Variants in HS6ST3 observed in about 807,000 individuals in gnomAD.
HS6ST3 encodes the protein heparan sulfate 6-O-sulfotransferase 3.
Under a neutral mutation model 36.7 loss-of-function variants are expected in HS6ST3, and 12 were observed. The observed-to-expected ratio is 0.33, with a 90% CI of 0.21 to 0.53. The LOEUF (loss-of-function observed/expected upper bound fraction) is 0.53, where lower values mean the gene tolerates loss of function less well. HS6ST3 is among the 20% of genes least tolerant of loss of function. The pLI is 0.95. For synonymous variants in HS6ST3, 240 were observed against 257.5 expected (o/e 0.93, Z 0.65); for missense variants, 584 against 640.9 (o/e 0.91, Z 0.96).
chr13:96,155,749 CT>C (rs1393184859), intron 1 of HS6ST3, among the ~76,000 whole-genome samples: 1 of 152,132 alleles, frequency 6.6e-6, no homozygotes, highest in African/African-American at 2.4e-5. Context: ...TACTATTTTT[CT>C]GTCAAAATAT....
intron 1 of HS6ST3, among the ~76,000 whole-genome samples, chr13:96,298,784 T>A (rs984680412): frequency 6.6e-6 from 1 of 152,174 alleles, no homozygotes; most frequent in Middle Eastern, 3.2e-3. Context: ...AAGTAACAGC[T>A]CAGCAGAAGT....
intron 1 of HS6ST3, among the ~76,000 whole-genome samples, chr13:96,774,954 G>A (rs1200736919): frequency 6.6e-6 from 1 of 152,128 alleles, no homozygotes; most frequent in Non-Finnish European, 1.5e-5. Flanking sequence ...TACCCACCAA[G>A]GGAAGCCCAC....
At chr13:96,692,066 G>A (rs1247299458) in intron 1 of HS6ST3, among the ~76,000 whole-genome samples, 2 of 152,074 alleles carry the variant, frequency 1.3e-5, no homozygotes, top group Admixed American at 6.6e-5. Flanking sequence ...TTAGAATATT[G>A]AAGATTGATC....
At chr13:96,439,827 T>C (rs1159478197) in intron 1 of HS6ST3, among the ~76,000 whole-genome samples, 1 of 152,206 alleles carries the variant, frequency 6.6e-6, no homozygotes, top group Non-Finnish European at 1.5e-5. Flanking sequence ...GAATAGAAGA[T>C]TCTGAATACG....
chr13:96,519,972 A>G (rs2056086823), intron 1 of HS6ST3, among the ~76,000 whole-genome samples: 1 of 152,142 alleles, frequency 6.6e-6, no homozygotes, highest in Non-Finnish European at 1.5e-5. Context: ...TCTCTAAACT[A>G]ATGGTTGTCT....
At chr13:96,459,850 G>A (rs2055773841) in intron 1 of HS6ST3, among the ~76,000 whole-genome samples, 4 of 152,102 alleles carry the variant, frequency 2.6e-5, no homozygotes, top group Admixed American at 2.6e-4. Context: ...TTAATTAGCT[G>A]GGTACGGTGT....
chr13:96,443,890 G>A (rs559602613), intron 1 of HS6ST3, among the ~76,000 whole-genome samples: 1 of 152,286 alleles, frequency 6.6e-6, no homozygotes, highest in Admixed American at 6.5e-5. Context: ...TGTGTCCTAG[G>A]TCTTGATATT....
At chr13:96,646,077 A>G (rs2056587565) in intron 1 of HS6ST3, among the ~76,000 whole-genome samples, 1 of 152,036 alleles carries the variant, frequency 6.6e-6, no homozygotes, top group South Asian at 2.1e-4. Flanking sequence ...TGTACAAAGG[A>G]AGAAACAGAC....
Position 96,751,879 on chromosome 13 carries a change from A to T in HS6ST3, c.708-80611A>T, listed in dbSNP as rs1876710303. Among the ~76,000 whole-genome samples, 3 of 150,676 alleles carry T rather than the reference A, an allele frequency of 2.0e-5. No individual in the cohort carries two copies. The South Asian group carries it at 6.3e-4, about 31-fold the overall frequency. On this transcript the variant is annotated intron_variant, in intron 1 of 1. Coordinates refer to ENST00000376705, the MANE Select transcript of HS6ST3 (RefSeq NM_153456.4). ...ATAACATAGCCTTCTTCTTTAAAAAAGTTTATATATATATAAACTATATAT... is the reference window on the plus strand; with the variant it reads ...ATAACATAGCCTTCTTCTTTAAAAATGTTTATATATATATAAACTATATAT...
intron 1 of HS6ST3, among the ~76,000 whole-genome samples, chr13:96,460,409 T>G: frequency 6.6e-6 from 1 of 152,234 alleles, no homozygotes; most frequent in East Asian, 1.9e-4. Context: ...GTAACTAAAC[T>G]TTATCTTGGA....
intron 1 of HS6ST3, among the ~76,000 whole-genome samples, chr13:96,372,690 T>G (rs1012641932): frequency 6.6e-6 from 1 of 152,186 alleles, no homozygotes; most frequent in Non-Finnish European, 1.5e-5. Flanking sequence ...CAATTTCATT[T>G]TTTTGCATGT....
chr13:96,336,050 A>G (rs1327065436), intron 1 of HS6ST3, among the ~76,000 whole-genome samples: 1 of 152,194 alleles, frequency 6.6e-6, no homozygotes, highest in East Asian at 1.9e-4. Flanking sequence ...TCTGTTAATA[A>G]GGTGAGAGTT....
chr13:96,548,935 T>G (rs1216197608), intron 1 of HS6ST3, among the ~76,000 whole-genome samples: 2 of 152,202 alleles, frequency 1.3e-5, no homozygotes, highest in East Asian at 3.9e-4. Flanking sequence ...TGACTAAGTA[T>G]CTGGACACTC....
chr13:96,688,946 G>A (rs922228169), intron 1 of HS6ST3, among the ~76,000 whole-genome samples: 4 of 151,886 alleles, frequency 2.6e-5, no homozygotes, highest in African/African-American at 9.7e-5. Flanking sequence ...AGGTCTTTTC[G>A]ATCACCTCCA....
intron 1 of HS6ST3, among the ~76,000 whole-genome samples, chr13:96,175,754 A>T (rs1254771798): frequency 6.6e-6 from 1 of 150,500 alleles, no homozygotes; most frequent in Non-Finnish European, 1.5e-5. Context: ...ACATCTTCAA[A>T]GCGGTTTATT....
intron 1 of HS6ST3, among the ~76,000 whole-genome samples, chr13:96,217,342 A>G (rs2054431730): frequency 6.6e-6 from 1 of 152,200 alleles, no homozygotes; most frequent in African/African-American, 2.4e-5. Context: ...GAGATTTAAA[A>G]TACTGTGCTC....
chr13:96,448,929 A>C (rs1415341438), intron 1 of HS6ST3, among the ~76,000 whole-genome samples: 1 of 150,474 alleles, frequency 6.6e-6, no homozygotes, highest in Non-Finnish European at 1.5e-5. Flanking sequence ...TTTTATTTTC[A>C]TTTTGTCTCA....
intron 1 of HS6ST3, among the ~76,000 whole-genome samples, chr13:96,578,511 G>T (rs140029250): frequency 2.2e-4 from 33 of 152,128 alleles, no homozygotes; most frequent in African/African-American, 7.7e-4. Context: ...CTTTGTCCTT[G>T]GGCTGCTGAA....
intron 1 of HS6ST3, among the ~76,000 whole-genome samples, chr13:96,208,954 A>G (rs1284164405): frequency 6.6e-6 from 1 of 152,184 alleles, no homozygotes; most frequent in Non-Finnish European, 1.5e-5. Flanking sequence ...GGGAAGAGAA[A>G]TACTGTTTTT....
Sources: allele counts gnomAD v4.1 joint callset (sites outside exome capture counted in the v4.1 genomes callset), GRCh38; gene constraint gnomAD v4.1.1; transcripts MANE v1.5; gene names NCBI Gene and HGNC (gene_info 2026-07-23, HGNC 2026-07-21).